The following IFT172 variants were observed in gnomAD, a reference collection of about 807,000 sequenced individuals.
The protein encoded by IFT172 is intraflagellar transport protein 172 homolog.
In IFT172, 164 loss-of-function variants were observed where a neutral mutation model predicts 248.9. That is an observed-to-expected ratio of 0.66 (90% CI 0.58 to 0.75). IFT172 has a LOEUF of 0.75. Ranked by LOEUF, IFT172 falls within the 30% of genes least tolerant of loss-of-function variation. The probability of loss-of-function intolerance (pLI) is 0.00; values close to 1 mark genes in which losing one functional copy is unlikely to be tolerated. For missense variants in IFT172, 1,950 were observed against 2,192.4 expected, an observed-to-expected ratio of 0.89 and a Z score of 2.21; for synonymous variants, 729 against 791.6, an observed-to-expected ratio of 0.92 and a Z score of 1.33.
intron 4 of IFT172, 57 bp from the exon 5 acceptor site, chr2:27,483,994 A>G: frequency 1.3e-6 from 2 of 1,501,526 alleles, no homozygotes; most frequent in South Asian, 1.1e-5. Flanking sequence ...CAGCACTTTT[A>G]TAACAACTTC....
intron 26 of IFT172, 90 bp downstream of exon 26, chr2:27,458,689 C>A: frequency 6.9e-7 from 1 of 1,445,374 alleles, no homozygotes; most frequent in Non-Finnish European, 9.5e-7. Flanking sequence ...TTTCAGGGAG[C>A]CAAGCGAAGA....
In IFT172 at chr2:27,454,534, G is replaced by A. The variant is rs922479821; in HGVS notation, c.3465+33C>T. The A allele has an allele frequency of 3.1e-6, 5 of 1,611,520 alleles. No homozygotes were observed. In the South Asian group the frequency reaches 5.5e-5, roughly 18 times the overall value. ...GTGCACTAGGGGATGGAATAAGAGG[G>A]CTCTGCGGTCGGGGTCCAAATCACA... On this transcript the variant is annotated intron_variant, in intron 31 of 47. Coordinates refer to ENST00000260570, the MANE Select transcript of IFT172 (RefSeq NM_015662.3). This position sits in a 1 kb window ranked among gnomAD's most constrained non-coding sequence, Gnocchi z 4.2.
intron 10 of IFT172, among the ~76,000 whole-genome samples, chr2:27,478,360 T>A (rs913318213): frequency 1.3e-5 from 2 of 152,248 alleles, no homozygotes; most frequent in Non-Finnish European, 2.9e-5. Flanking sequence ...TATTATCTCT[T>A]TTGACACTCA....
chr2:27,473,763 A>G (rs1413136478), intron 14 of IFT172, among the ~76,000 whole-genome samples: 1 of 152,148 alleles, frequency 6.6e-6, no homozygotes, highest in Non-Finnish European at 1.5e-5. Flanking sequence ...TAGATACTCC[A>G]AAGGGTTGAT....
chr2:27,454,549 T>A lies in IFT172; in HGVS notation c.3465+18A>T. ...GAATAAGAGGGCTCTGCGGTCGGGG[T>A]CCAAATCACACCCATACCTCATCCT... On this transcript the variant is annotated intron_variant, in intron 31 of 47. Transcript: ENST00000260570. The surrounding 1 kb of genome is among the most constrained non-coding windows in gnomAD (Gnocchi z 4.2). 6.2e-7 allele frequency: 1 copy of A among 1,613,430 alleles called. No homozygotes were observed. The highest frequency in any genetic ancestry group is 1.7e-4 in the Middle Eastern group (1 of 6,058).
At chr2:27,459,200 G>T in intron 25 of IFT172, 178 bp downstream of exon 25, 1 of 759,128 alleles carries the variant, frequency 1.3e-6, no homozygotes, top group Non-Finnish European at 2.1e-6. Context: ...GGCGATATCT[G>T]TGTCACACTG....
intron 10 of IFT172, 122 bp downstream of exon 10, chr2:27,479,387 C>G (rs946002194): frequency 1.5e-6 from 1 of 677,696 alleles, no homozygotes; most frequent in South Asian, 1.6e-5. Flanking sequence ...TTGCCCAGAA[C>G]AGCTCTTCCA....
chr2:27,446,347 C>T lies in IFT172; in HGVS notation c.4668G>A (p.Val1556=). The change falls in exon 43 of 48, where the codon GTG becomes GTA. Residue 1556 remains valine (V), a synonymous_variant. Transcript: ENST00000260570. The stretch of plus-strand genomic sequence containing the variant: ...AGAGTGAAACAGAAAGCCTGGCAGC[C>T]ACGGTTTCCTGGGATTAAAGTCAAA... The part of the protein sequence containing the change: ...AAQSVKQLET[V]AARLSVSLLR... 1.9e-6 allele frequency: 3 copies of T among 1,614,198 alleles called. No homozygotes were observed. The highest frequency in any genetic ancestry group is 2.5e-6 in the Non-Finnish European group (3 of 1,180,034).
At chr2:27,476,410 A>G (rs1667955222) in intron 14 of IFT172, among the ~76,000 whole-genome samples, 3 of 152,084 alleles carry the variant, frequency 2.0e-5, no homozygotes, top group Admixed American at 2.0e-4. Context: ...TGGGATTACA[A>G]GCATGAGTAA....
chr2:27,483,801 G>A lies in IFT172; in HGVS notation c.402+71C>T, dbSNP rs1668556795. ...GCAACTTGATCCTAAGAAAGAGGAT[G>A]AACCATATTCCTCTCTCCAGAACCA... On this transcript the variant is annotated intron_variant, in intron 5 of 47. Transcript: ENST00000260570. 7 of 1,455,832 alleles carry A rather than the reference G, an allele frequency of 4.8e-6. No individual in the cohort carries two copies. The East Asian group carries it at 1.6e-4, about 33-fold the overall frequency. 90.2% of individuals were successfully genotyped at this position (1,455,832 alleles called of 1,614,324 possible). A position where few individuals can be genotyped will look rare whatever the true frequency, so the allele number is the denominator to read the frequency against.
Position 27,445,364 on chromosome 2 carries a change from C to A in IFT172, c.5000G>T (p.Arg1667Leu). ...CACTAGGGAGGCCTCGTAGGCGCCACGCTCATCCCGAGGCAGAACCTGCTC... is the reference window on the plus strand; with the variant it reads ...CACTAGGGAGGCCTCGTAGGCGCCAAGCTCATCCCGAGGCAGAACCTGCTC... ...RLEQVLPRDE[R>L]GAYEASLVAA... The change falls in exon 46 of 48, where the codon CGT becomes CTT. Residue 1667 changes from arginine (R) to leucine (L), a missense_variant. By Grantham distance (102) the Arg-to-Leu change is moderately radical. This residue lies in a region of IFT172 where 620 missense variants were observed against 699.0 expected (regional missense o/e 0.89). Coordinates refer to ENST00000260570, the MANE Select transcript of IFT172 (RefSeq NM_015662.3). The surrounding 1 kb of genome is among the most constrained non-coding windows in gnomAD (Gnocchi z 4.4). 6.2e-7 allele frequency: 1 copy of A among 1,613,140 alleles called. No homozygotes were observed. The highest frequency in any genetic ancestry group is 2.2e-5 in the East Asian group (1 of 44,866).
chr2:27,449,686 C>T lies in IFT172; in HGVS notation c.4160+5G>A. ...TTTCGCAGTAAGAAGGGGTTACAAGCTTACCTGGGATCTAACTCCTTAGCT... is the reference window on the plus strand; with the variant it reads ...TTTCGCAGTAAGAAGGGGTTACAAGTTTACCTGGGATCTAACTCCTTAGCT... On this transcript the variant is annotated splice_donor_5th_base_variant and intron_variant, in intron 37 of 47. Coordinates refer to ENST00000260570, the MANE Select transcript of IFT172 (RefSeq NM_015662.3). 6.2e-7 allele frequency: 1 copy of T among 1,611,622 alleles called. No individual in the cohort carries two copies. Among genetic ancestry groups the T allele is most frequent in the Non-Finnish European group, 8.5e-7 (1 of 1,178,124 alleles).
In IFT172 at chr2:27,458,182, T is replaced by C. The variant is rs1480327016; in HGVS notation, c.2919A>G (p.Leu973=). The change falls in exon 27 of 48, where the codon CTA becomes CTG. Residue 973 remains leucine (L), a synonymous_variant. Coordinates refer to ENST00000260570, the MANE Select transcript of IFT172 (RefSeq NM_015662.3). ...CCATTTCCTGGGCCTGAGTGATGTA[T>C]AGCACTGACACATCTTCTGGTCTCA... ...KCMRPEDVSV[L]YITQAQEMEK... 14 of 1,614,040 alleles carry C rather than the reference T, an allele frequency of 8.7e-6. No individual in the cohort carries two copies. Among genetic ancestry groups the C allele is most frequent in the Admixed American group, 3.3e-5 (2 of 60,012 alleles).
At chr2:27,455,028 C>T (rs1572741548) in intron 30 of IFT172, 2 of 310,218 alleles carry the variant, frequency 6.4e-6, no homozygotes, top group Middle Eastern at 2.1e-3. Context: ...GCCCCAGCTA[C>T]ATTAGCAGAA....
rs560525746 is a variant in IFT172 at position 27,489,335 on chromosome 2, C to T, written c.39+280G>A. Among the ~76,000 whole-genome samples the T allele has an allele frequency of 2.1e-4, 32 of 152,312 alleles. No homozygotes were observed. In the South Asian group the frequency reaches 5.6e-3, roughly 27 times the overall value. ...GCACCTCACCCTCTAATACGAGCCT[C>T]CTGAAGGGAGGGACATAAGTCGGGT... On this transcript the variant is annotated intron_variant, in intron 1 of 47. Transcript: ENST00000260570.
intron 15 of IFT172, 199 bp from the exon 16 acceptor site, chr2:27,471,294 A>G: frequency 2.2e-6 from 1 of 465,080 alleles, no homozygotes; most frequent in Non-Finnish European, 3.7e-6. Context: ...CCATAGAACA[A>G]AGATCTACAT....
chr2:27,480,295 G>T, intron 8 of IFT172, 146 bp from the exon 9 acceptor site: 1 of 1,221,498 alleles, frequency 8.2e-7, no homozygotes, highest in Non-Finnish European at 1.1e-6. Context: ...TAGCAGAAGA[G>T]GATATAAAGG....
chr2:27,481,425 TCACACA>T (rs71401571), intron 7 of IFT172, among the ~76,000 whole-genome samples, 165 bp from the exon 8 acceptor site: 48 of 145,158 alleles, frequency 3.3e-4, no homozygotes, highest in African/African-American at 8.4e-4. Context: ...TCACAAATTG[TCACACA>T]CACACACACA....
intron 33 of IFT172, 95 bp from the exon 34 acceptor site, chr2:27,453,834 G>A (rs1665923980): frequency 7.2e-7 from 1 of 1,395,576 alleles, no homozygotes; most frequent in East Asian, 2.3e-5. Context: ...CTGGGTCCTT[G>A]GACCTCTCTT....
Sources: allele counts gnomAD v4.1 joint callset (sites outside exome capture counted in the v4.1 genomes callset), GRCh38; gene constraint gnomAD v4.1.1; regional missense constraint gnomAD v4.1.1; non-coding constraint Gnocchi (gnomAD v3.1); transcripts MANE v1.5; gene names NCBI Gene and HGNC (gene_info 2026-07-23, HGNC 2026-07-21).